The following RAP1B variants were observed in gnomAD, a reference collection of about 807,000 sequenced individuals.
RAP1B encodes ras-related protein Rap-1b.
Under a neutral mutation model 27.5 loss-of-function variants are expected in RAP1B, and 1 was observed. The ratio of observed to expected loss-of-function variants is 0.04; its 90% CI spans 0.01 to 0.17. The LOEUF is 0.17. Ranked by LOEUF, RAP1B falls within the 10% of genes least tolerant of loss-of-function variation. The probability of loss-of-function intolerance (pLI) is 1.00; values close to 1 mark genes in which losing one functional copy is unlikely to be tolerated. For synonymous variants in RAP1B, 75 were observed against 73.1 expected (o/e 1.03, Z -0.13); for missense variants, 84 against 214.8 (o/e 0.39, Z 3.81).
intron 1 of RAP1B, among the ~76,000 whole-genome samples, chr12:68,616,435 C>G (rs1187822015): frequency 1.5e-5 from 2 of 136,694 alleles, no homozygotes; most frequent in Non-Finnish European, 3.1e-5. Context: ...CTGTGCCTGG[C>G]TAATTTTTTT....
At chr12:68,618,789 T>A (rs1243780359) in intron 1 of RAP1B, among the ~76,000 whole-genome samples, 1 of 152,166 alleles carries the variant, frequency 6.6e-6, no homozygotes, top group Non-Finnish European at 1.5e-5. Flanking sequence ...AGTAAAAAAA[T>A]TTTAAACTAA....
In RAP1B at chr12:68,616,763, G is replaced by A. The variant is rs537085269; in HGVS notation, c.-27+5720G>A. Among the ~76,000 whole-genome samples the A allele has an allele frequency of 2.6e-5, 4 of 151,576 alleles. No homozygotes were observed. The South Asian group carries it at 8.3e-4, about 32-fold the overall frequency. On this transcript the variant is annotated intron_variant, in intron 1 of 7. Transcript: ENST00000250559. Reference sequence around the variant, plus strand: ...TTTGTATTTTTTGTAGAGACGTTTCGCCATGTTGCCCAAGCTCACCTCAAA... The same window carrying A: ...TTTGTATTTTTTGTAGAGACGTTTCACCATGTTGCCCAAGCTCACCTCAAA...
intron 1 of RAP1B, among the ~76,000 whole-genome samples, chr12:68,618,708 A>G (rs939499200): frequency 6.7e-6 from 1 of 149,424 alleles, no homozygotes; most frequent in Non-Finnish European, 1.5e-5. Context: ...CTGTCCTAGT[A>G]ATCATTGTAT....
chr12:68,628,982 T>A (rs1017257964), intron 1 of RAP1B, among the ~76,000 whole-genome samples: 4 of 151,680 alleles, frequency 2.6e-5, no homozygotes, highest in Admixed American at 6.6e-5. Context: ...CACAAATCCT[T>A]TATCTCTTTT....
At position 68,632,137 on chromosome 12, in the gene RAP1B, T is replaced by TTG. The variant is rs1555171628; in HGVS notation, c.-26-16561_-26-16560insGT. Among the ~76,000 whole-genome samples the TTG allele has an allele frequency of 6.9e-3, 929 of 134,306 alleles. 37 individuals carry two copies. Among genetic ancestry groups the TTG allele is most frequent in the African/African-American group, 0.029 (873 of 29,948 alleles). The allele number at this position is 134,306 out of a possible 152,430, so 88.1% of individuals were successfully genotyped here. ...TTTTGGGTTTTGGATTTGTTTTTTT[T>TTG]TTTTTTTTGTTTGTTTTTTTTTTCC... On this transcript the variant is annotated intron_variant, in intron 1 of 7. Coordinates refer to ENST00000250559, the MANE Select transcript of RAP1B (RefSeq NM_001010942.3).
intron 1 of RAP1B, among the ~76,000 whole-genome samples, chr12:68,620,683 C>G (rs1260537438): frequency 6.6e-6 from 1 of 151,124 alleles, no homozygotes; most frequent in African/African-American, 2.4e-5. Context: ...TCACTGAAGT[C>G]TCGACCTCCC....
At chr12:68,618,174 G>GC (rs139722563) in intron 1 of RAP1B, among the ~76,000 whole-genome samples, 9,171 of 129,018 alleles carry the variant, frequency 0.071, 709 homozygotes, top group African/African-American at 0.21. Context: ...TGCAACCTCT[G>GC]CTCCCAGGTT....
intron 2 of RAP1B, 85 bp from the exon 3 acceptor site, chr12:68,650,315 T>A: frequency 5.9e-6 from 7 of 1,192,720 alleles, no homozygotes; most frequent in Non-Finnish European, 4.5e-6. Flanking sequence ...TGTAACTCCC[T>A]GTGTGAACTC....
intron 5 of RAP1B, 78 bp from the exon 6 acceptor site, chr12:68,656,228 G>T: frequency 2.3e-6 from 3 of 1,282,948 alleles, no homozygotes; most frequent in South Asian, 1.4e-5. Flanking sequence ...TCTTAGATTT[G>T]ACTCTTAGAA....
At chr12:68,626,920 A>G in intron 1 of RAP1B, 4 of 1,554,796 alleles carry the variant, frequency 2.6e-6, no homozygotes, top group Admixed American at 1.7e-5. Flanking sequence ...TTGGAAATGT[A>G]CTTGACCCGA....
rs1304426932 is a variant in RAP1B, at chr12:68,668,288, C to T, written c.*9039C>T. On this transcript the variant is annotated 3_prime_UTR_variant, in exon 8 of 8. Coordinates refer to ENST00000250559, the MANE Select transcript of RAP1B (RefSeq NM_001010942.3). ...GACATTTTACAGTGCCACTACCTACCTCCATACTGTATCAGAGGAGCCAGT... is the reference window on the plus strand; with the variant it reads ...GACATTTTACAGTGCCACTACCTACTTCCATACTGTATCAGAGGAGCCAGT... 1 of 152,210 alleles carries T rather than the reference C, an allele frequency of 6.6e-6. No individual in the cohort carries two copies. The highest frequency in any genetic ancestry group is 1.5e-5 in the Non-Finnish European group (1 of 68,044). 9.4% of individuals were successfully genotyped at this position (152,210 alleles called of 1,614,324 possible).
intron 1 of RAP1B, among the ~76,000 whole-genome samples, chr12:68,631,770 C>T (rs184289278): frequency 5.3e-5 from 8 of 152,172 alleles, no homozygotes; most frequent in Admixed American, 2.6e-4. Flanking sequence ...GTATTTTGTA[C>T]ATCTCATGAT....
intron 1 of RAP1B, chr12:68,642,781 C>G: frequency 9.5e-7 from 1 of 1,048,022 alleles, no homozygotes; most frequent in Admixed American, 1.7e-5. Flanking sequence ...CATTAAACTT[C>G]TTAAAGTCAT....
rs1874806415 is a variant in RAP1B at position 68,665,409 on chromosome 12, C to T, written c.*6160C>T. 1 of 152,086 alleles carries T rather than the reference C, an allele frequency of 6.6e-6. No individual in the cohort carries two copies. The highest frequency in any genetic ancestry group is 2.4e-5 in the African/African-American group (1 of 41,396). The allele number at this position is 152,086 out of a possible 1,614,324, so 9.4% of individuals were successfully genotyped here. On this transcript the variant is annotated 3_prime_UTR_variant, in exon 8 of 8. Coordinates refer to ENST00000250559, the MANE Select transcript of RAP1B (RefSeq NM_001010942.3). ...TTACTGACATTGGAGGCAACTGAAA[C>T]CATGAGTGTGAATGAAATTATTTTC...
Position 68,660,865 on chromosome 12 carries a change from CTA to C in RAP1B, c.*1618_*1619del, listed in dbSNP as rs1316439638. The C allele has an allele frequency of 6.6e-6, 1 of 152,090 alleles. No homozygotes were observed. The highest frequency in any genetic ancestry group is 2.4e-5 in the African/African-American group (1 of 41,404). The allele number at this position is 152,090 out of a possible 1,614,324, so 9.4% of individuals were successfully genotyped here. A position where few individuals can be genotyped will look rare whatever the true frequency, so the allele number is the denominator to read the frequency against. On this transcript the variant is annotated 3_prime_UTR_variant, in exon 8 of 8. Coordinates refer to ENST00000250559, the MANE Select transcript of RAP1B (RefSeq NM_001010942.3). ...TTAACATACTTTCATGGATGTTACA[CTA>C]TGGATTTTTTAAAATACAGGATTGA...
At position 68,669,685 on chromosome 12, in the gene RAP1B, C is replaced by T. The variant is rs1874999306; in HGVS notation, c.*10436C>T. The stretch of plus-strand genomic sequence containing the variant: ...GCATGGTGGCAGGTGCCTGTAATCC[C>T]AGCTACTCTGGAGGCTGAGGCAGGA... On this transcript the variant is annotated 3_prime_UTR_variant, in exon 8 of 8. Coordinates refer to ENST00000250559, the MANE Select transcript of RAP1B (RefSeq NM_001010942.3). The T allele has an allele frequency of 6.6e-6, 1 of 152,314 alleles. No individual in the cohort carries two copies. The highest frequency in any genetic ancestry group is 2.4e-5 in the African/African-American group (1 of 41,396). 9.4% of individuals were successfully genotyped at this position (152,314 alleles called of 1,614,324 possible).
At chr12:68,644,506 C>G (rs1272945795) in intron 1 of RAP1B, among the ~76,000 whole-genome samples, 4 of 151,458 alleles carry the variant, frequency 2.6e-5, no homozygotes, top group South Asian at 2.1e-4. Flanking sequence ...ATGGCATGAA[C>G]CTGGGAGGCG....
At chr12:68,639,640 A>G (rs1476444316) in intron 1 of RAP1B, among the ~76,000 whole-genome samples, 1 of 152,170 alleles carries the variant, frequency 6.6e-6, no homozygotes, top group Non-Finnish European at 1.5e-5. Flanking sequence ...AGAGGTACAT[A>G]TCCTCCTCTA....
intron 1 of RAP1B, among the ~76,000 whole-genome samples, chr12:68,640,208 A>T (rs973936940): frequency 6.6e-6 from 1 of 152,206 alleles, no homozygotes; most frequent in African/African-American, 2.4e-5. Context: ...ACAAAATTTA[A>T]TATCAATCCA....
Sources: gnomAD v4.1 joint callset for allele counts (sites outside exome capture counted in the v4.1 genomes callset) on GRCh38, gnomAD v4.1.1 for gene constraint, MANE v1.5 for transcripts, NCBI Gene and HGNC (gene_info 2026-07-23, HGNC 2026-07-21) for gene names.